The following CACNB4 variants were observed in gnomAD, a reference collection of about 807,000 sequenced individuals.
The protein encoded by CACNB4 is voltage-dependent L-type calcium channel subunit beta-4.
A neutral mutation model predicts 71.2 loss-of-function variants in CACNB4; 32 were observed. That is an observed-to-expected ratio of 0.45 (90% CI 0.34 to 0.60). CACNB4 has a LOEUF of 0.60. Among genes scored for constraint, CACNB4 ranks in the 20% least tolerant of loss-of-function variants. CACNB4 has a pLI of 0.01. For synonymous variants in CACNB4, 231 were observed against 236.9 expected (o/e 0.97, Z 0.23); for missense variants, 464 against 647.9 (o/e 0.72, Z 3.08).
At chr2:151,988,109 T>C (rs1376630454) in intron 2 of CACNB4, among the ~76,000 whole-genome samples, 1 of 152,180 alleles carries the variant, frequency 6.6e-6, no homozygotes, top group Non-Finnish European at 1.5e-5. Context: ...TCAAAGTAAA[T>C]TAAAATTCTA....
rs992459435 is a variant in CACNB4, at chr2:151,836,441, CTT to C, written c.*2676_*2677del. 52 of 151,604 alleles carry C rather than the reference CTT, an allele frequency of 3.4e-4. No individual in the cohort carries two copies. Among genetic ancestry groups the C allele is most frequent in the African/African-American group, 1.2e-3 (50 of 41,328 alleles). The allele number at this position is 151,604 out of a possible 1,614,324, so 9.4% of individuals were successfully genotyped here. A position where few individuals can be genotyped will look rare whatever the true frequency, so the allele number is the denominator to read the frequency against. The stretch of plus-strand genomic sequence containing the variant: ...TTAAGTATCATTTACACAATAAACT[CTT>C]AAGTCTTTAAAAAAAATAAGATGTA... On this transcript the variant is annotated 3_prime_UTR_variant, in exon 14 of 14. Coordinates refer to ENST00000539935, the MANE Select transcript of CACNB4 (RefSeq NM_000726.5).
chr2:151,991,402 C>T (rs1681697008), intron 2 of CACNB4, among the ~76,000 whole-genome samples: 1 of 152,204 alleles, frequency 6.6e-6, no homozygotes, highest in Admixed American at 6.5e-5. Context: ...ACTGTGAAAT[C>T]TCTTTACATG....
chr2:151,945,271 A>G (rs2099865272), intron 2 of CACNB4, among the ~76,000 whole-genome samples: 1 of 152,228 alleles, frequency 6.6e-6, no homozygotes, highest in African/African-American at 2.4e-5. Context: ...AGCCTTACAC[A>G]CAGGTAGAAC....
At chr2:151,944,027 CTTTTT>C (rs377579759) in intron 2 of CACNB4, among the ~76,000 whole-genome samples, 17 of 134,892 alleles carry the variant, frequency 1.3e-4, no homozygotes, top group African/African-American at 4.1e-4. Context: ...TACTTTCTTT[CTTTTT>C]TTTTTTTTTT....
chr2:152,003,873 T>C (rs1331888933), intron 2 of CACNB4, among the ~76,000 whole-genome samples: 3 of 151,436 alleles, frequency 2.0e-5, no homozygotes, highest in Non-Finnish European at 4.4e-5. Context: ...CAAACAAACA[T>C]GGTCTCTGTC....
rs1421031440 is a variant in CACNB4, at chr2:152,067,035, C to A, written c.147+31295G>T. Among the ~76,000 whole-genome samples the A allele has an allele frequency of 7.4e-5, 11 of 147,816 alleles. No individual in the cohort carries two copies. The East Asian group carries it at 1.6e-3, about 22-fold the overall frequency. On this transcript the variant is annotated intron_variant, in intron 2 of 13. Transcript: ENST00000539935. Reference sequence around the variant, plus strand: ...GGGAGGGATAGCACTGGGAGATATACCTAATGCTAGATGACGAGTTAGTGG... The same window carrying A: ...GGGAGGGATAGCACTGGGAGATATAACTAATGCTAGATGACGAGTTAGTGG...
intron 2 of CACNB4, among the ~76,000 whole-genome samples, chr2:152,039,564 G>GT (rs1294052795): frequency 1.5e-4 from 23 of 152,066 alleles, no homozygotes; most frequent in Admixed American, 1.4e-3. Flanking sequence ...TTTCATATAG[G>GT]TTTTATCTTA....
intron 2 of CACNB4, among the ~76,000 whole-genome samples, chr2:151,947,364 A>C (rs1023833822): frequency 6.6e-6 from 1 of 152,184 alleles, no homozygotes; most frequent in Admixed American, 6.5e-5. Context: ...GTACTTATTA[A>C]ATATACTGCT....
At chr2:151,949,104 C>A (rs1407195692) in intron 2 of CACNB4, among the ~76,000 whole-genome samples, 1 of 151,744 alleles carries the variant, frequency 6.6e-6, no homozygotes, top group African/African-American at 2.4e-5. Flanking sequence ...CTGACTTCCT[C>A]CTTCTTTGTC....
intron 2 of CACNB4, among the ~76,000 whole-genome samples, chr2:152,028,094 C>T (rs2105168596): frequency 6.6e-6 from 1 of 152,266 alleles, no homozygotes; most frequent in South Asian, 2.1e-4. Flanking sequence ...CAAGGATCGC[C>T]TGAGCAGAAA....
chr2:151,850,433 C>A (rs1249921847), intron 12 of CACNB4: 1 of 152,434 alleles, frequency 6.6e-6, no homozygotes, highest in African/African-American at 2.4e-5. Flanking sequence ...AGCTACTGCA[C>A]CTGGCCAAAA....
intron 2 of CACNB4, among the ~76,000 whole-genome samples, chr2:151,933,825 A>G (rs1459510706): frequency 6.6e-6 from 1 of 152,228 alleles, no homozygotes; most frequent in South Asian, 2.1e-4. Context: ...TAAATGATGG[A>G]TAAGATTTTC....
chr2:152,070,949 T>A (rs998869798), intron 2 of CACNB4, among the ~76,000 whole-genome samples: 1 of 152,184 alleles, frequency 6.6e-6, no homozygotes, highest in African/African-American at 2.4e-5. Context: ...TGTATTTTTG[T>A]AGAAACAGGG....
intron 2 of CACNB4, among the ~76,000 whole-genome samples, chr2:151,976,991 C>T (rs2151743964): frequency 6.6e-6 from 1 of 152,284 alleles, no homozygotes; most frequent in South Asian, 2.1e-4. Flanking sequence ...AACAGTTCTC[C>T]AGCTGAATGA....
In CACNB4 at chr2:151,913,050, G is replaced by A. The variant is rs539621223; in HGVS notation, c.148-29680C>T. 3.3e-5 allele frequency among the ~76,000 whole-genome samples: 5 copies of A among 151,554 alleles called. No individual in the cohort carries two copies. In the East Asian group the frequency reaches 9.7e-4, roughly 29 times the overall value. ...ATTTTTCTCCATCCTTTTATTTTGA[G>A]CTTTACATGTCTTTGCATGTAAGAT... On this transcript the variant is annotated intron_variant, in intron 2 of 13. Coordinates refer to ENST00000539935, the MANE Select transcript of CACNB4 (RefSeq NM_000726.5).
upstream of CACNB4, chr2:152,099,084 A>C (rs529156365): frequency 1.9e-5 from 19 of 1,011,782 alleles, no homozygotes; most frequent in East Asian, 1.2e-4. Flanking sequence ...TGGGCTGCGG[A>C]CGGAGGGGGA....
chr2:151,880,116 G>T (rs1207560617), intron 4 of CACNB4: 5 of 152,260 alleles, frequency 3.3e-5, no homozygotes, highest in African/African-American at 1.2e-4. Flanking sequence ...GGCCATGGTT[G>T]AAGTTGATGG....
intron 2 of CACNB4, among the ~76,000 whole-genome samples, chr2:151,904,018 C>T (rs1370644556): frequency 6.6e-6 from 1 of 152,110 alleles, no homozygotes; most frequent in African/African-American, 2.4e-5. Flanking sequence ...AAGGATGGGA[C>T]TCATATTTCT....
chr2:151,849,010 A>C (rs1183411845), intron 12 of CACNB4, among the ~76,000 whole-genome samples: 1 of 152,222 alleles, frequency 6.6e-6, no homozygotes, highest in Non-Finnish European at 1.5e-5. Flanking sequence ...CATATTAAAA[A>C]AAAAATGAGA....
Sources: gnomAD v4.1 joint callset for allele counts (sites outside exome capture counted in the v4.1 genomes callset) on GRCh38, gnomAD v4.1.1 for gene constraint, MANE v1.5 for transcripts, NCBI Gene and HGNC (gene_info 2026-07-23, HGNC 2026-07-21) for gene names.